GDPD5: variants seen among roughly 807,000 people sequenced by gnomAD.
GDPD5 encodes the protein glycerophosphodiester phosphodiesterase domain containing 5, also known as glycerophosphodiester phosphodiesterase 2.
Under a neutral mutation model 75.1 loss-of-function variants are expected in GDPD5, and 48 were observed. The observed-to-expected ratio is 0.64, with a 90% CI of 0.51 to 0.81. GDPD5 has a LOEUF of 0.81. Ranked by LOEUF, GDPD5 falls within the 40% of genes least tolerant of loss-of-function variation. GDPD5 has a pLI of 0.00. For missense variants in GDPD5, 706 were observed against 822.6 expected, an observed-to-expected ratio of 0.86 and a Z score of 1.73; for synonymous variants, 336 against 339.0, an observed-to-expected ratio of 0.99 and a Z score of 0.10.
intron 1 of GDPD5, among the ~76,000 whole-genome samples, chr11:75,491,199 C>A (rs1384094608): frequency 2.6e-5 from 4 of 152,230 alleles, no homozygotes; most frequent in Non-Finnish European, 5.9e-5. Context: ...TCAGAGACAG[C>A]TCGGAAATGA....
chr11:75,450,131 G>C, intron 6 of GDPD5, 148 bp from the exon 7 acceptor site: 1 of 645,428 alleles, frequency 1.5e-6, no homozygotes, highest in Non-Finnish European at 2.7e-6. Flanking sequence ...GACAGGCATG[G>C]GCTGCCAGGA....
At chr11:75,489,715 A>ATTTACAC (rs1950076481) in intron 2 of GDPD5, among the ~76,000 whole-genome samples, 2 of 152,062 alleles carry the variant, frequency 1.3e-5, no homozygotes, top group African/African-American at 4.8e-5. Context: ...AGGGTTTGTG[A>ATTTACAC]AGAGGTCAGC....
chr11:75,440,146 G>A (rs1279175674), intron 14 of GDPD5, among the ~76,000 whole-genome samples, 185 bp from the exon 15 acceptor site: 4 of 152,188 alleles, frequency 2.6e-5, no homozygotes, highest in African/African-American at 9.6e-5. Flanking sequence ...TGTGGGCCTG[G>A]GGGCCGGGGC....
chr11:75,448,948 G>C, intron 9 of GDPD5, 29 bp downstream of exon 9: 1 of 1,534,186 alleles, frequency 6.5e-7, no homozygotes, highest in Non-Finnish European at 8.7e-7. Flanking sequence ...ACCCCAACGG[G>C]GCTGTTAGGA....
At chr11:75,448,590 C>G in intron 9 of GDPD5, 2 of 1,009,594 alleles carry the variant, frequency 2.0e-6, no homozygotes, top group Non-Finnish European at 2.4e-6. Flanking sequence ...TTCAGCCGTA[C>G]TCACTGTCAC....
At chr11:75,439,822 G>A in intron 15 of GDPD5, 57 bp downstream of exon 15, 1 of 1,404,888 alleles carries the variant, frequency 7.1e-7, no homozygotes, top group Non-Finnish European at 1.0e-6. Context: ...GGCTGGGGTG[G>A]GGGCTGGGCC....
At chr11:75,500,127 T>G (rs1368746659) in intron 1 of GDPD5, among the ~76,000 whole-genome samples, 1 of 152,106 alleles carries the variant, frequency 6.6e-6, no homozygotes. Context: ...TCCCTGCCCC[T>G]GGCAGAGGAC....
In GDPD5 at chr11:75,441,791, G is replaced by A. The variant is rs1948818127; in HGVS notation, c.1180C>T (p.Pro394Ser). Residue 394 changes from proline (P) to serine (S), a missense_variant, in exon 13 of 17, where the codon CCT (proline) becomes TCT (serine). Transcript: ENST00000336898. ...CGCACCAGGGGCCTCTGCCTGCTAG[G>A]CAGCCACATGACCTGCAGGCAGAAG... ...GFPQHQVMWLPSRQRPLVRKV... is the reference protein window; with the variant it reads ...GFPQHQVMWLSSRQRPLVRKV... 1.2e-6 allele frequency: 2 copies of A among 1,608,360 alleles called. No individual in the cohort carries two copies. Among genetic ancestry groups the A allele is most frequent in the South Asian group, 2.2e-5 (2 of 90,930 alleles).
At chr11:75,445,087 ACACTG>A (rs1313716024) in intron 9 of GDPD5, among the ~76,000 whole-genome samples, 2 of 152,172 alleles carry the variant, frequency 1.3e-5, no homozygotes, top group Admixed American at 1.3e-4. Context: ...AGCCTCTAGC[ACACTG>A]CTTGATATAC....
chr11:75,468,247 C>G (rs988083944), intron 3 of GDPD5, among the ~76,000 whole-genome samples: 10 of 152,018 alleles, frequency 6.6e-5, no homozygotes, highest in Admixed American at 5.2e-4. Flanking sequence ...GAAGTCTGCA[C>G]ACATCACTCT....
rs1285990525 is a variant in GDPD5 at position 75,441,817 on chromosome 11, A to G, written c.1168-14T>C. 1 of 1,601,938 alleles carries G rather than the reference A, an allele frequency of 6.2e-7. No homozygotes were observed. The highest frequency in any genetic ancestry group is 8.5e-7 in the Non-Finnish European group (1 of 1,177,386). ...CAGCCACATGACCTGCAGGCAGAAG[A>G]GAGGCAGCCTCAGACTTCTCTTCTG... is the stretch of plus-strand genomic sequence containing the variant. On this transcript the variant is annotated splice_polypyrimidine_tract_variant and intron_variant, in intron 12 of 16. Coordinates refer to ENST00000336898, the MANE Select transcript of GDPD5 (RefSeq NM_030792.8).
intron 1 of GDPD5, among the ~76,000 whole-genome samples, chr11:75,524,003 C>G (rs990874468): frequency 2.0e-5 from 3 of 152,242 alleles, no homozygotes; most frequent in South Asian, 2.1e-4. Flanking sequence ...CGTCCCCACA[C>G]AGAATAAGAG....
At chr11:75,462,980 T>A in intron 3 of GDPD5, 91 bp from the exon 4 acceptor site, 1 of 1,015,418 alleles carries the variant, frequency 9.8e-7, no homozygotes, top group Non-Finnish European at 1.5e-6. Context: ...CCCTCCCACT[T>A]TGTAGCCAAA....
intron 1 of GDPD5, among the ~76,000 whole-genome samples, chr11:75,493,144 T>C (rs527962432): frequency 1.4e-4 from 22 of 152,116 alleles, no homozygotes; most frequent in Admixed American, 1.1e-3. Context: ...TGTCTATTGT[T>C]CATTGTATGA....
At chr11:75,520,639 G>A (rs1565227732) in intron 1 of GDPD5, among the ~76,000 whole-genome samples, 1 of 152,324 alleles carries the variant, frequency 6.6e-6, no homozygotes, top group Non-Finnish European at 1.5e-5. Flanking sequence ...GAGGAGTACT[G>A]GAAGCTTATA....
At chr11:75,471,617 C>A (rs1188549603) in intron 3 of GDPD5, among the ~76,000 whole-genome samples, 1 of 152,196 alleles carries the variant, frequency 6.6e-6, no homozygotes, top group African/African-American at 2.4e-5. Flanking sequence ...TACATAGGAC[C>A]CTGACCACGT....
intron 1 of GDPD5, among the ~76,000 whole-genome samples, chr11:75,507,866 T>A (rs1281829827): frequency 1.3e-5 from 2 of 152,030 alleles, no homozygotes; most frequent in Non-Finnish European, 2.9e-5. Flanking sequence ...CTGCCAGTCA[T>A]CAGGACAGGA....
At chr11:75,470,752 G>C (rs958611671) in intron 3 of GDPD5, among the ~76,000 whole-genome samples, 2 of 152,178 alleles carry the variant, frequency 1.3e-5, no homozygotes, top group African/African-American at 4.8e-5. Context: ...TGAAGTAAAA[G>C]GCAGGGATCT....
chr11:75,460,014 C>T (rs1037079713), intron 4 of GDPD5, among the ~76,000 whole-genome samples: 7 of 152,162 alleles, frequency 4.6e-5, no homozygotes, highest in African/African-American at 1.7e-4. Context: ...CCCTGGCCCT[C>T]ATCCTCAGAG....
Sources: gnomAD v4.1 joint callset for allele counts (sites outside exome capture counted in the v4.1 genomes callset) on GRCh38, gnomAD v4.1.1 for gene constraint, MANE v1.5 for transcripts, NCBI Gene and HGNC (gene_info 2026-07-23, HGNC 2026-07-21) for gene names.